PNLDC1: variants seen among roughly 807,000 people sequenced by gnomAD.
PNLDC1 encodes the protein poly(A)-specific ribonuclease PNLDC1.
In PNLDC1, 70 loss-of-function variants were observed where a neutral mutation model predicts 82.0. The ratio of observed to expected loss-of-function variants is 0.85; its 90% confidence interval spans 0.70 to 1.04. The LOEUF (loss-of-function observed/expected upper bound fraction) is 1.04. Among genes scored for constraint, PNLDC1 ranks in the 50% least tolerant of loss-of-function variants. PNLDC1 has a pLI of 0.00. For synonymous variants in PNLDC1, 280 were observed against 249.3 expected (o/e 1.12, Z -1.16); for missense variants, 631 against 661.1 (o/e 0.95, Z 0.50).
Position 159,819,487 on chromosome 6 carries a change from T to C in PNLDC1, c.1532+135T>C. The C allele has an allele frequency of 1.3e-6, 1 of 744,700 alleles. No individual in the cohort carries two copies. The highest frequency in any genetic ancestry group is 2.2e-6 in the Non-Finnish European group (1 of 457,778). 46.1% of individuals were successfully genotyped at this position (744,700 alleles called of 1,614,324 possible). On this transcript the variant is annotated intron_variant, in intron 18 of 18. Coordinates refer to ENST00000392167, the MANE Select transcript of PNLDC1 (RefSeq NM_001271862.2). The surrounding 1 kb of genome is among the most constrained non-coding windows in gnomAD (Gnocchi z 4.6). ...GCCAAGGGGGTTGTGTTGACGAGTGTGGTGCCCTGAATGTCCTTCAGTGAT... is the reference window on the plus strand; with the variant it reads ...GCCAAGGGGGTTGTGTTGACGAGTGCGGTGCCCTGAATGTCCTTCAGTGAT...
In PNLDC1 at chr6:159,813,633, G is replaced by C. The variant is rs767842736; in HGVS notation, c.972G>C (p.Ser324=). The C allele has an allele frequency of 6.2e-7, 1 of 1,613,766 alleles. No homozygotes were observed. The highest frequency in any genetic ancestry group is 1.1e-5 in the South Asian group (1 of 91,064). The change falls in exon 12 of 19, where the codon TCG becomes TCC. Residue 324 remains serine, a synonymous_variant. Transcript: ENST00000392167. Reference sequence around the variant, plus strand: ...ATTTCCCGAGGGTGTCGAATCTTTCGGAAGTCTATGAAGTCCTGAACAGGT... The same window carrying C: ...ATTTCCCGAGGGTGTCGAATCTTTCCGAAGTCTATGAAGTCCTGAACAGGT... The part of the protein sequence containing the change: ...EMNFPRVSNL[S]EVYEVLNSDL...
Position 159,811,687 on chromosome 6 carries a change from G to A in PNLDC1, c.854-14G>A. ...AACAAATTCACTCTTGACTACCTGG[G>A]TTTTTCCCCTCAGAAAGCTACGATC... On this transcript the variant is annotated splice_polypyrimidine_tract_variant and intron_variant, in intron 10 of 18. Transcript: ENST00000392167. The A allele has an allele frequency of 6.2e-7, 1 of 1,607,574 alleles. No individual in the cohort carries two copies. Among genetic ancestry groups the A allele is most frequent in the South Asian group, 1.1e-5 (1 of 90,568 alleles).
At chr6:159,817,514 C>T (rs1407282855) in intron 15 of PNLDC1, among the ~76,000 whole-genome samples, 2 of 152,220 alleles carry the variant, frequency 1.3e-5, no homozygotes, top group Non-Finnish European at 2.9e-5. Flanking sequence ...ATGTAAGCAA[C>T]AGTGAGGTAT....
chr6:159,817,273 C>T lies in PNLDC1; in HGVS notation c.1157+122C>T, dbSNP rs1353753949. 3.2e-6 allele frequency: 3 copies of T among 935,028 alleles called. No homozygotes were observed. In the African/African-American group the frequency reaches 4.9e-5, roughly 15 times the overall value. The allele number at this position is 935,028 out of a possible 1,614,324, so 57.9% of individuals were successfully genotyped here. ...CCAAAGAAGGGAGAATGTGAGGTGTCACTGGTATAGAAATCTTGTCCCTGA... is the reference window on the plus strand; with the variant it reads ...CCAAAGAAGGGAGAATGTGAGGTGTTACTGGTATAGAAATCTTGTCCCTGA... On this transcript the variant is annotated intron_variant, in intron 15 of 18. Transcript: ENST00000392167.
intron 16 of PNLDC1, 53 bp downstream of exon 16, chr6:159,818,707 C>G: frequency 6.5e-7 from 1 of 1,540,724 alleles, no homozygotes; most frequent in Non-Finnish European, 9.0e-7. Flanking sequence ...AGAGGCTTTG[C>G]TGGGAAGCGG....
At chr6:159,813,202 G>T (rs1781700113) in intron 11 of PNLDC1, among the ~76,000 whole-genome samples, 1 of 152,172 alleles carries the variant, frequency 6.6e-6, no homozygotes, top group South Asian at 2.1e-4. Context: ...TGTATTTCCA[G>T]CTACTATGAA....
chr6:159,814,697 T>C (rs1265526330), intron 12 of PNLDC1, among the ~76,000 whole-genome samples: 1 of 152,206 alleles, frequency 6.6e-6, no homozygotes, highest in Non-Finnish European at 1.5e-5. Flanking sequence ...CCAGGCTTCC[T>C]GGGTTTAAAT....
In PNLDC1 at chr6:159,818,663, A is replaced by T; in HGVS notation, c.1257+9A>T. 1 of 1,610,782 alleles carries T rather than the reference A, an allele frequency of 6.2e-7. No homozygotes were observed. The highest frequency in any genetic ancestry group is 8.5e-7 in the Non-Finnish European group (1 of 1,177,658). ...CGGGGGTCCCAAAGATCGTGAGTAG[A>T]TCTCATTTGGCCCCCTCGCCCCATT... On this transcript the variant is annotated intron_variant, in intron 16 of 18. Coordinates refer to ENST00000392167, the MANE Select transcript of PNLDC1 (RefSeq NM_001271862.2).
In PNLDC1 at chr6:159,819,156, G is replaced by C. The variant is rs372837143; in HGVS notation, c.1433+35G>C. 2.5e-6 allele frequency: 4 copies of C among 1,610,344 alleles called. No individual in the cohort carries two copies. The highest frequency in any genetic ancestry group is 2.2e-5 in the East Asian group (1 of 44,850). On this transcript the variant is annotated intron_variant, in intron 17 of 18. Transcript: ENST00000392167. The surrounding 1 kb of genome is among the most constrained non-coding windows in gnomAD (Gnocchi z 4.6). The stretch of plus-strand genomic sequence containing the variant: ...TCTAAGTCCGCGTCCCCCACCCCTC[G>C]TGCGTTCATCCCTGTATCTCTCTGA...
chr6:159,800,713 G>T (rs780073101), intron 1 of PNLDC1, 59 bp from the exon 2 acceptor site: 64 of 1,614,094 alleles, frequency 4.0e-5, no homozygotes, highest in Non-Finnish European at 4.7e-5. Flanking sequence ...GATCTACAGT[G>T]TGAGGAGTGC....
Position 159,800,325 on chromosome 6 carries a change from C to A in PNLDC1, c.18C>A (p.Asp6Glu), listed in dbSNP as rs374337257. Residue 6 changes from aspartate (D) to glutamate (E), a missense_variant, in exon 1 of 19, where the codon GAC becomes GAA. By Grantham distance (45) the Asp-to-Glu change is conservative. Transcript: ENST00000392167. ...GCACGGCCATGGACGTGGGCGCCGACGAGTTCGAGGAGAGCCTCCCTCTGC... is the reference window on the plus strand; with the variant it reads ...GCACGGCCATGGACGTGGGCGCCGAAGAGTTCGAGGAGAGCCTCCCTCTGC... Reference protein sequence around the residue: MDVGADEFEESLPLLQ... With the variant: MDVGAEEFEESLPLLQ... 5.8e-6 allele frequency: 9 copies of A among 1,547,892 alleles called. No homozygotes were observed. The highest frequency in any genetic ancestry group is 2.7e-5 in the African/African-American group (2 of 73,094).
intron 10 of PNLDC1, among the ~76,000 whole-genome samples, chr6:159,810,633 G>A (rs1031021983): frequency 2.0e-5 from 3 of 152,124 alleles, no homozygotes; most frequent in East Asian, 1.9e-4. Context: ...GTGGGGCCTC[G>A]AGCCTTGGTG....
At chr6:159,805,610 A>C (rs1781419150) in intron 6 of PNLDC1, 1 of 171,210 alleles carries the variant, frequency 5.8e-6, no homozygotes, top group Middle Eastern at 2.6e-3. Flanking sequence ...GTGTTTACCA[A>C]AGTCCTTGTC....
chr6:159,812,978 T>C (rs888146239), intron 11 of PNLDC1, among the ~76,000 whole-genome samples: 13 of 152,096 alleles, frequency 8.5e-5, no homozygotes, highest in African/African-American at 2.2e-4. Context: ...GAGCCGAGAT[T>C]GCACCCCTGT....
At chr6:159,800,715 G>T (rs367848928) in intron 1 of PNLDC1, 57 bp from the exon 2 acceptor site, 181 of 1,614,104 alleles carry the variant, frequency 1.1e-4, no homozygotes, top group South Asian at 7.2e-4. Context: ...TCTACAGTGT[G>T]AGGAGTGCTG....
intron 2 of PNLDC1, 31 bp downstream of exon 2, chr6:159,800,860 A>T: frequency 6.2e-7 from 1 of 1,613,974 alleles, no homozygotes; most frequent in Non-Finnish European, 8.5e-7. Context: ...CCTCTGTATA[A>T]GAGCCTGGCC....
Position 159,820,565 on chromosome 6 carries a change from G to T in PNLDC1, c.*48G>T, listed in dbSNP as rs1216958064. 6.4e-7 allele frequency: 1 copy of T among 1,560,828 alleles called. No homozygotes were observed. Among genetic ancestry groups the T allele is most frequent in the Admixed American group, 1.7e-5 (1 of 59,948 alleles). On this transcript the variant is annotated 3_prime_UTR_variant, in exon 19 of 19. Transcript: ENST00000392167. The stretch of plus-strand genomic sequence containing the variant: ...CACCCTCGGGTCCCCATGCTCTCTG[G>T]GAGGTGTGCTGGGTGTGTTCGTGTA...
In PNLDC1 at chr6:159,813,641, A is replaced by G. The variant is rs372029079; in HGVS notation, c.980A>G (p.Tyr327Cys). ...FPRVSNLSEV[Y>C]EVLNSDLNPT... ...AGGGTGTCGAATCTTTCGGAAGTCTATGAAGTCCTGAACAGGTGAGGACGG... is the reference window on the plus strand; with the variant it reads ...AGGGTGTCGAATCTTTCGGAAGTCTGTGAAGTCCTGAACAGGTGAGGACGG... Residue 327 changes from tyrosine (Y) to cysteine (C), a missense_variant, in exon 12 of 19, where the codon TAT becomes TGT. By Grantham distance (194) the Tyr-to-Cys change is radical (BLOSUM62 -2). Transcript: ENST00000392167. 7 of 1,613,812 alleles carry G rather than the reference A, an allele frequency of 4.3e-6. No homozygotes were observed. In the African/African-American group the frequency reaches 5.3e-5, roughly 12 times the overall value.
chr6:159,800,083 A>G (rs1781176399), upstream of PNLDC1, among the ~76,000 whole-genome samples: 1 of 152,208 alleles, frequency 6.6e-6, no homozygotes, highest in African/African-American at 2.4e-5. Flanking sequence ...ACAGGCTTTG[A>G]TTGCAATTGC....
Sources: gnomAD v4.1 joint callset for allele counts (sites outside exome capture counted in the v4.1 genomes callset) on GRCh38, gnomAD v4.1.1 for gene constraint, Gnocchi (gnomAD v3.1) non-coding constraint, MANE v1.5 for transcripts, NCBI Gene and HGNC (gene_info 2026-07-23, HGNC 2026-07-21) for gene names.